Variants in RPS6KC1 observed in about 807,000 individuals in gnomAD.
RPS6KC1 encodes ribosomal protein S6 kinase C1.
Under a neutral mutation model 103.8 loss-of-function variants are expected in RPS6KC1, and 54 were observed. That is an observed-to-expected ratio of 0.52 (90% CI 0.42 to 0.65). The LOEUF (loss-of-function observed/expected upper bound fraction) is 0.65, where lower values mean the gene tolerates loss of function less well. Among genes scored for constraint, RPS6KC1 ranks in the 30% least tolerant of loss-of-function variants. RPS6KC1 has a pLI of 0.00. For synonymous variants in RPS6KC1, 439 were observed against 438.7 expected (o/e 1.00, Z -0.01); for missense variants, 1,151 against 1,253.8 (o/e 0.92, Z 1.24).
the RPS6KC1 span, chr1:213,840,871 G>C: frequency 6.6e-6 from 1 of 152,102 alleles, no homozygotes; most frequent in African/African-American, 2.4e-5. Flanking sequence ...CCCCACGTTA[G>C]GGATGCTAGA....
At chr1:213,223,234 T>C (rs1020267685) in intron 8 of RPS6KC1, among the ~76,000 whole-genome samples, 2 of 152,134 alleles carry the variant, frequency 1.3e-5, no homozygotes, top group African/African-American at 4.8e-5. Flanking sequence ...TTTTCAATAG[T>C]TTTTGGGGTA....
At chr1:213,563,879 T>A in the RPS6KC1 span, among the ~76,000 whole-genome samples, 1 of 152,032 alleles carries the variant, frequency 6.6e-6, no homozygotes, top group South Asian at 2.1e-4. Flanking sequence ...TTATTCATAC[T>A]GTAATTTTTC....
chr1:213,070,465 A>T (rs541414162), intron 1 of RPS6KC1, among the ~76,000 whole-genome samples: 38 of 152,320 alleles, frequency 2.5e-4, no homozygotes, highest in African/African-American at 9.1e-4. Context: ...ATTAAATTTA[A>T]CAGAGTTTAA....
intron 6 of RPS6KC1, among the ~76,000 whole-genome samples, chr1:213,148,203 G>C (rs1466828929): frequency 6.6e-6 from 1 of 152,068 alleles, no homozygotes; most frequent in East Asian, 1.9e-4. Flanking sequence ...TTGTCTGATT[G>C]CTTCTAGTAC....
chr1:213,205,547 G>GATATATATATATATATATATATATAT (rs764745657), intron 8 of RPS6KC1, among the ~76,000 whole-genome samples: 15 of 102,470 alleles, frequency 1.5e-4, no homozygotes, highest in African/African-American at 5.5e-4. Context: ...TATATATATA[G>GATATATATATATATATATATATATAT]ATATATATAT....
the RPS6KC1 span, among the ~76,000 whole-genome samples, chr1:213,527,511 G>A: frequency 6.6e-6 from 1 of 152,146 alleles, no homozygotes; most frequent in African/African-American, 2.4e-5. Context: ...ACAGACTTCA[G>A]TCCTACAACC....
chr1:213,820,047 G>A, the RPS6KC1 span: 1 of 152,198 alleles, frequency 6.6e-6, no homozygotes, highest in Non-Finnish European at 1.5e-5. Flanking sequence ...CCGGCGGCAG[G>A]GGGAGCTTCT....
chr1:213,651,964 C>T, the RPS6KC1 span, among the ~76,000 whole-genome samples: 126 of 152,278 alleles, frequency 8.3e-4, no homozygotes, highest in African/African-American at 2.9e-3. Context: ...GAGATGCTTC[C>T]TGACTCACCC....
At chr1:213,314,907 A>G in the RPS6KC1 span, among the ~76,000 whole-genome samples, 1 of 152,138 alleles carries the variant, frequency 6.6e-6, no homozygotes, top group Admixed American at 6.6e-5. Flanking sequence ...CGAGTCCCCC[A>G]CGTGCAGCCT....
the RPS6KC1 span, among the ~76,000 whole-genome samples, chr1:213,582,396 G>A: frequency 6.6e-6 from 1 of 151,962 alleles, no homozygotes; most frequent in Non-Finnish European, 1.5e-5. Context: ...AGCAAAGATG[G>A]CCTCTGACTA....
At chr1:213,561,588 C>CA in the RPS6KC1 span, among the ~76,000 whole-genome samples, 8 of 152,200 alleles carry the variant, frequency 5.3e-5, no homozygotes, top group African/African-American at 9.7e-5. Context: ...GGCTCCCTTA[C>CA]CACTGTTGCC....
rs142300568 is a variant in RPS6KC1 at position 213,140,947 on chromosome 1, A to G, written c.835+11058A>G. ...GAGTTTCACTCATTGCCCAGGTGGG[A>G]GTGCAATGGCGTGATCTTGGCTCAC... On this transcript the variant is annotated intron_variant, in intron 6 of 14. Coordinates refer to ENST00000366960, the MANE Select transcript of RPS6KC1 (RefSeq NM_012424.6). 8.4e-3 allele frequency among the ~76,000 whole-genome samples: 1,169 copies of G among 138,920 alleles called. 13 individuals are homozygous for G. Among genetic ancestry groups the G allele is most frequent in the African/African-American group, 0.029 (1,075 of 36,526 alleles). The allele number at this position is 138,920 out of a possible 152,430, so 91.1% of individuals were successfully genotyped here.
chr1:213,425,648 G>C, the RPS6KC1 span, among the ~76,000 whole-genome samples: 2 of 152,188 alleles, frequency 1.3e-5, no homozygotes, highest in Non-Finnish European at 2.9e-5. Flanking sequence ...ACGTTCTCAA[G>C]AGCTCTCCAC....
the RPS6KC1 span, among the ~76,000 whole-genome samples, chr1:213,504,061 GA>G: frequency 6.6e-6 from 1 of 152,214 alleles, no homozygotes; most frequent in Middle Eastern, 3.4e-3. Flanking sequence ...TAAATAGAAT[GA>G]ATTAGAACTA....
At chr1:213,585,853 G>A in the RPS6KC1 span, among the ~76,000 whole-genome samples, 2 of 152,098 alleles carry the variant, frequency 1.3e-5, no homozygotes. Context: ...CAAAGACTGG[G>A]TGCCCAGGAT....
chr1:213,784,070 C>T, the RPS6KC1 span, among the ~76,000 whole-genome samples: 2 of 152,168 alleles, frequency 1.3e-5, no homozygotes, highest in African/African-American at 2.4e-5. Context: ...ATGTTTGAAA[C>T]GACCTCTGCT....
intron 12 of RPS6KC1, among the ~76,000 whole-genome samples, chr1:213,243,549 GATTTA>G (rs2094401852): frequency 6.6e-6 from 1 of 152,176 alleles, no homozygotes. Context: ...AAAAATTAGA[GATTTA>G]TTCTGTGGGT....
At chr1:213,581,404 C>G in the RPS6KC1 span, among the ~76,000 whole-genome samples, 1 of 152,062 alleles carries the variant, frequency 6.6e-6, no homozygotes, top group Non-Finnish European at 1.5e-5. Flanking sequence ...ATAGTCTCTT[C>G]TGGAGTTGAA....
chr1:213,597,869 G>T, the RPS6KC1 span, among the ~76,000 whole-genome samples: 4 of 152,174 alleles, frequency 2.6e-5, no homozygotes, highest in Admixed American at 2.6e-4. Flanking sequence ...CAGGACTAGG[G>T]TCAGGCAAAT....
Sources: allele counts gnomAD v4.1 joint callset (sites outside exome capture counted in the v4.1 genomes callset), GRCh38; gene constraint gnomAD v4.1.1; transcripts MANE v1.5; gene names NCBI Gene and HGNC (gene_info 2026-07-23, HGNC 2026-07-21).